Variants in CSMD1 observed in about 807,000 individuals in gnomAD.
CSMD1 encodes the protein CUB and Sushi multiple domains 1.
A neutral mutation model predicts 417.5 loss-of-function variants in CSMD1; 213 were observed. The ratio of observed to expected loss-of-function variants is 0.51; its 90% CI spans 0.46 to 0.57. The LOEUF is 0.57. Ranked by LOEUF, CSMD1 falls within the 20% of genes least tolerant of loss-of-function variation. CSMD1 has a pLI of 0.00. For synonymous variants in CSMD1, 2,862 were observed against 1,736.8 expected (o/e 1.65, Z -16.11); for missense variants, 6,923 against 4,529.7 (o/e 1.53, Z -15.17).
chr8:3,558,010 C>A (rs183582113), intron 10 of CSMD1, among the ~76,000 whole-genome samples: 1 of 151,878 alleles, frequency 6.6e-6, no homozygotes, highest in Non-Finnish European at 1.5e-5. Context: ...GTGTCCACTC[C>A]TCCAATGATG....
chr8:3,150,496 C>G (rs1263514641), intron 40 of CSMD1, among the ~76,000 whole-genome samples: 1 of 152,218 alleles, frequency 6.6e-6, no homozygotes. Flanking sequence ...CTACTGCCAT[C>G]CTGGGCACAG....
intron 3 of CSMD1, among the ~76,000 whole-genome samples, chr8:4,172,710 A>G (rs1797834586): frequency 6.6e-6 from 1 of 152,180 alleles, no homozygotes. Context: ...TGCAAAAGTG[A>G]CAGGATATCA....
At chr8:4,269,785 T>C (rs1804457161) in intron 3 of CSMD1, among the ~76,000 whole-genome samples, 1 of 152,206 alleles carries the variant, frequency 6.6e-6, no homozygotes, top group Admixed American at 6.5e-5. Context: ...GCATGAAAAT[T>C]ATATACAGGT....
chr8:3,061,470 G>C (rs11994735), intron 49 of CSMD1, among the ~76,000 whole-genome samples: 27,701 of 152,038 alleles, frequency 0.18, 3,209 homozygotes, highest in African/African-American at 0.32. Context: ...TCTCTGCACC[G>C]TGGATATCCC....
intron 1 of CSMD1, among the ~76,000 whole-genome samples, chr8:4,902,538 T>G (rs974360530): frequency 6.6e-6 from 1 of 152,232 alleles, no homozygotes; most frequent in Admixed American, 6.5e-5. Context: ...AAATTTTACA[T>G]GAAACATTCA....
intron 3 of CSMD1, among the ~76,000 whole-genome samples, chr8:4,042,166 A>C (rs1797924575): frequency 6.6e-6 from 1 of 152,206 alleles, no homozygotes; most frequent in Admixed American, 6.5e-5. Flanking sequence ...CAGTGAACTC[A>C]TAAATACAAA....
At chr8:3,244,189 C>T (rs1479893166) in intron 26 of CSMD1, among the ~76,000 whole-genome samples, 1 of 152,204 alleles carries the variant, frequency 6.6e-6, no homozygotes, top group Non-Finnish European at 1.5e-5. Flanking sequence ...GTAGAATTGG[C>T]TCCTGGCTAG....
intron 3 of CSMD1, among the ~76,000 whole-genome samples, chr8:4,398,757 A>G (rs1277353036): frequency 6.6e-6 from 1 of 152,156 alleles, no homozygotes. Flanking sequence ...TTAGTTTCTC[A>G]TTTATCAAAA....
chr8:3,902,601 C>G (rs1265022098), intron 5 of CSMD1, among the ~76,000 whole-genome samples: 2 of 152,154 alleles, frequency 1.3e-5, no homozygotes, highest in African/African-American at 4.8e-5. Flanking sequence ...CTATGAAAAT[C>G]TAATGTCGCC....
At chr8:2,956,982 A>C (rs995149278) in intron 63 of CSMD1, among the ~76,000 whole-genome samples, 2 of 150,860 alleles carry the variant, frequency 1.3e-5, no homozygotes, top group Non-Finnish European at 2.9e-5. Context: ...CCCAAAAATC[A>C]CACCTTATAT....
At chr8:4,875,097 G>T (rs1348566541) in intron 1 of CSMD1, among the ~76,000 whole-genome samples, 1 of 149,172 alleles carries the variant, frequency 6.7e-6, no homozygotes, top group Non-Finnish European at 1.5e-5. Flanking sequence ...CTGGTATTTG[G>T]AATTCAGAGT....
chr8:3,806,924 A>C (rs985272940), intron 5 of CSMD1, among the ~76,000 whole-genome samples: 3 of 152,140 alleles, frequency 2.0e-5, no homozygotes, highest in African/African-American at 7.2e-5. Flanking sequence ...TGAGGTACTT[A>C]TTCTAATTGT....
At chr8:4,186,825 A>C (rs1490643199) in intron 3 of CSMD1, among the ~76,000 whole-genome samples, 1 of 62,632 alleles carries the variant, frequency 1.6e-5, no homozygotes, top group Non-Finnish European at 3.7e-5. Flanking sequence ...CGTCTCTACT[A>C]AAAATACAGA....
At chr8:2,993,194 A>T (rs574522148) in intron 54 of CSMD1, among the ~76,000 whole-genome samples, 1 of 152,308 alleles carries the variant, frequency 6.6e-6, no homozygotes, top group East Asian at 1.9e-4. Context: ...CGTGCGTTTT[A>T]AAACTAAGAA....
At chr8:4,006,279 T>C (rs1017687109) in intron 4 of CSMD1, among the ~76,000 whole-genome samples, 3 of 152,124 alleles carry the variant, frequency 2.0e-5, no homozygotes, top group African/African-American at 4.8e-5. Flanking sequence ...GACTCTGGAA[T>C]AAACAAAAAA....
At chr8:3,125,638 C>T (rs917640412) in intron 41 of CSMD1, among the ~76,000 whole-genome samples, 1 of 152,200 alleles carries the variant, frequency 6.6e-6, no homozygotes, top group Non-Finnish European at 1.5e-5. Flanking sequence ...TGAAGGCATT[C>T]TCTCTATTAG....
intron 10 of CSMD1, among the ~76,000 whole-genome samples, chr8:3,529,442 TG>T (rs1733859873): frequency 6.6e-6 from 1 of 152,312 alleles, no homozygotes; most frequent in East Asian, 1.9e-4. Flanking sequence ...CAGGAATTTT[TG>T]TAAGACAGAA....
At chr8:4,061,424 A>G (rs1305025411) in intron 3 of CSMD1, among the ~76,000 whole-genome samples, 1 of 152,234 alleles carries the variant, frequency 6.6e-6, no homozygotes, top group Non-Finnish European at 1.5e-5. Context: ...CACTCTTCCA[A>G]CCTGTGAAAC....
intron 25 of CSMD1, among the ~76,000 whole-genome samples, chr8:3,299,731 A>C (rs1158535624): frequency 6.6e-6 from 1 of 152,208 alleles, no homozygotes; most frequent in Non-Finnish European, 1.5e-5. Context: ...GTCACTAACC[A>C]AATGTATTCA....
Sources: allele counts gnomAD v4.1 joint callset (sites outside exome capture counted in the v4.1 genomes callset), GRCh38; gene constraint gnomAD v4.1.1; transcripts MANE v1.5; gene names NCBI Gene and HGNC (gene_info 2026-07-23, HGNC 2026-07-21).